The following CNTNAP3B variants were observed in gnomAD, a reference collection of about 807,000 sequenced individuals.
The protein encoded by CNTNAP3B is contactin associated protein family member 3B.
In CNTNAP3B, 25 loss-of-function variants were observed where a neutral mutation model predicts 108.9. That is an observed-to-expected ratio of 0.23 (90% CI 0.17 to 0.32). The LOEUF (loss-of-function observed/expected upper bound fraction) is 0.32, where lower values mean the gene tolerates loss of function less well. CNTNAP3B is among the 10% of genes least tolerant of loss of function. CNTNAP3B has a pLI of 1.00. For missense variants in CNTNAP3B, 252 were observed against 1,210.4 expected (o/e 0.21, Z 11.75); for synonymous variants, 103 against 473.4 (o/e 0.22, Z 10.16).
chr9:42,110,160 A>G lies in CNTNAP3B; in HGVS notation c.86-5421T>C, dbSNP rs1587278966. On this transcript the variant is annotated intron_variant, in intron 1 of 23. Transcript: ENST00000377561. ...GGGCCATAGGAAATGAACACACTTT[A>G]TATGGAATTACATATTGGATATTTT... Among the ~76,000 whole-genome samples, 3 of 114,734 alleles carry G rather than the reference A, an allele frequency of 2.6e-5. 1 individual carries two copies. In the South Asian group the frequency reaches 8.5e-4, roughly 32 times the overall value. 75.3% of individuals were successfully genotyped at this position (114,734 alleles called of 152,430 possible).
intron 3 of CNTNAP3B, among the ~76,000 whole-genome samples, chr9:42,041,737 G>C (rs1188742201): frequency 7.2e-6 from 1 of 138,134 alleles, no homozygotes; most frequent in Non-Finnish European, 1.6e-5. Flanking sequence ...CCCATTACTG[G>C]GTATATACCC....
chr9:42,070,730 C>T (rs1466533416), intron 3 of CNTNAP3B, among the ~76,000 whole-genome samples: 1 of 152,164 alleles, frequency 6.6e-6, no homozygotes, highest in African/African-American at 2.4e-5. Flanking sequence ...TGCTGATCGG[C>T]AGATCTCCAA....
intron 9 of CNTNAP3B, among the ~76,000 whole-genome samples, chr9:41,976,894 T>G (rs939374125): frequency 1.5e-5 from 2 of 136,762 alleles, no homozygotes; most frequent in Admixed American, 1.5e-4. Flanking sequence ...CACTCCAGCC[T>G]GGGCAACAGA....
At chr9:41,954,991 T>A (rs1268466113) in intron 12 of CNTNAP3B, among the ~76,000 whole-genome samples, 2 of 151,482 alleles carry the variant, frequency 1.3e-5, no homozygotes, top group Non-Finnish European at 3.0e-5. Flanking sequence ...TGGCCTCATT[T>A]TAGAATTTTT....
chr9:41,955,895 T>C (rs1288365156), intron 12 of CNTNAP3B, among the ~76,000 whole-genome samples: 2 of 152,266 alleles, frequency 1.3e-5, no homozygotes, highest in African/African-American at 2.4e-5. Flanking sequence ...GATGAACTTA[T>C]TATAAATTAA....
At chr9:41,919,160 A>G (rs1481974121) in intron 18 of CNTNAP3B, among the ~76,000 whole-genome samples, 2 of 151,906 alleles carry the variant, frequency 1.3e-5, no homozygotes, top group Non-Finnish European at 2.9e-5. Flanking sequence ...CCCAAGACGG[A>G]GTCTCACTCT....
At position 42,118,530 on chromosome 9, in the gene CNTNAP3B, A is replaced by C. The variant is rs60554805; in HGVS notation, c.85+10480T>G. 7.0e-3 allele frequency among the ~76,000 whole-genome samples: 931 copies of C among 132,084 alleles called. 150 individuals carry two copies. Among genetic ancestry groups the C allele is most frequent in the African/African-American group, 0.027 (887 of 32,586 alleles). 86.7% of individuals were successfully genotyped at this position (132,084 alleles called of 152,430 possible). ...TAGGTATTGATGGCACCTATCTCAAAATAATAAGAGCTATCTATGACAAAC... is the reference window on the plus strand; with the variant it reads ...TAGGTATTGATGGCACCTATCTCAACATAATAAGAGCTATCTATGACAAAC... On this transcript the variant is annotated intron_variant, in intron 1 of 23. Coordinates refer to ENST00000377561, the MANE Select transcript of CNTNAP3B (RefSeq NM_001201380.3).
At chr9:41,917,436 G>T (rs1487956460) in intron 18 of CNTNAP3B, among the ~76,000 whole-genome samples, 1 of 141,174 alleles carries the variant, frequency 7.1e-6, no homozygotes, top group African/African-American at 2.8e-5. Flanking sequence ...TTCACTTGGG[G>T]AGGGCTACCA....
At chr9:41,932,456 T>C (rs1453077161) in intron 14 of CNTNAP3B, among the ~76,000 whole-genome samples, 2 of 151,750 alleles carry the variant, frequency 1.3e-5, no homozygotes, top group African/African-American at 2.4e-5. Flanking sequence ...GCCATAAGTT[T>C]GGGAGGTTGC....
At chr9:42,061,456 A>T (rs1427030486) in intron 3 of CNTNAP3B, among the ~76,000 whole-genome samples, 4 of 134,568 alleles carry the variant, frequency 3.0e-5, no homozygotes, top group Admixed American at 7.4e-5. Context: ...TAGCTGGGAC[A>T]GCAGGCGAGC....
intron 9 of CNTNAP3B, among the ~76,000 whole-genome samples, chr9:41,973,109 T>A (rs1304164134): frequency 1.4e-5 from 2 of 141,548 alleles, no homozygotes; most frequent in Non-Finnish European, 1.5e-5. Context: ...TGCTAATTTT[T>A]TTTTTTTGTA....
chr9:41,924,667 ACACAC>A (rs1823762228), intron 15 of CNTNAP3B, among the ~76,000 whole-genome samples: 3 of 150,720 alleles, frequency 2.0e-5, no homozygotes, highest in Admixed American at 2.0e-4. Context: ...ACACACACAC[ACACAC>A]ACACACACAC....
At chr9:42,120,227 G>A (rs1828429000) in intron 1 of CNTNAP3B, among the ~76,000 whole-genome samples, 1 of 144,970 alleles carries the variant, frequency 6.9e-6, no homozygotes, top group Non-Finnish European at 1.5e-5. Context: ...ACGAAAAAAT[G>A]CTCATCACCA....
chr9:42,074,175 GT>G (rs1221202710), intron 3 of CNTNAP3B, among the ~76,000 whole-genome samples: 10 of 77,734 alleles, frequency 1.3e-4, no homozygotes, highest in African/African-American at 2.7e-4. Flanking sequence ...AAAAGTAAAA[GT>G]TTTTTTTAAA....
At position 42,001,432 on chromosome 9, in the gene CNTNAP3B, C is replaced by A. The variant is rs1395767742; in HGVS notation, c.539-2828G>T. 1.5e-5 allele frequency among the ~76,000 whole-genome samples: 2 copies of A among 134,878 alleles called. 1 individual carries two copies. Among genetic ancestry groups the A allele is most frequent in the Non-Finnish European group, 3.1e-5 (2 of 63,714 alleles). The allele number at this position is 134,878 out of a possible 152,430, so 88.5% of individuals were successfully genotyped here. A position where few individuals can be genotyped will look rare whatever the true frequency, so the allele number is the denominator to read the frequency against. On this transcript the variant is annotated intron_variant, in intron 4 of 23. Transcript: ENST00000377561. ...CCATTTCAAGAAAAAAACAGTTCTA[C>A]CTAGCCATAATCAATGCAAATATTC...
At chr9:41,922,530 C>T in intron 17 of CNTNAP3B, 147 bp downstream of exon 17, 7 of 986,504 alleles carry the variant, frequency 7.1e-6, no homozygotes, top group Non-Finnish European at 1.1e-5. Context: ...ACACAGCAAG[C>T]TCCTGGAACC....
At chr9:42,080,299 A>C (rs1347887113) in intron 2 of CNTNAP3B, among the ~76,000 whole-genome samples, 2 of 136,838 alleles carry the variant, frequency 1.5e-5, no homozygotes, top group East Asian at 4.6e-4. Context: ...GTAGTACTTA[A>C]ATGCAAATAA....
chr9:41,964,183 G>C (rs1248924951), intron 11 of CNTNAP3B, among the ~76,000 whole-genome samples: 2 of 152,290 alleles, frequency 1.3e-5, no homozygotes, highest in Non-Finnish European at 2.9e-5. Context: ...TGACTGAGAA[G>C]ATTCTCAGAA....
chr9:41,963,779 C>T (rs1825178962), intron 11 of CNTNAP3B, among the ~76,000 whole-genome samples: 2 of 152,266 alleles, frequency 1.3e-5, no homozygotes, highest in African/African-American at 2.4e-5. Context: ...AACTCCTCAT[C>T]TTCCCACAAA....
Sources: gnomAD v4.1 joint callset for allele counts (sites outside exome capture counted in the v4.1 genomes callset) on GRCh38, gnomAD v4.1.1 for gene constraint, MANE v1.5 for transcripts, NCBI Gene and HGNC (gene_info 2026-07-23, HGNC 2026-07-21) for gene names.